METTL25: variants seen among roughly 807,000 people sequenced by gnomAD.
The protein encoded by METTL25 is methyltransferase like 25, also known as probable methyltransferase-like protein 25.
METTL25 carries 64 observed loss-of-function variants against 71.6 expected under a neutral mutation model. The ratio of observed to expected loss-of-function variants is 0.89; its 90% CI spans 0.73 to 1.10. METTL25 has a LOEUF of 1.10. Among genes scored for constraint, METTL25 ranks in the 50% least tolerant of loss-of-function variants. METTL25 has a pLI of 0.00. For synonymous variants in METTL25, 287 were observed against 250.3 expected (o/e 1.15, Z -1.38); for missense variants, 807 against 707.0 (o/e 1.14, Z -1.60).
intron 5 of METTL25, among the ~76,000 whole-genome samples, chr12:82,414,644 T>A (rs1887815999): frequency 6.6e-6 from 1 of 152,012 alleles, no homozygotes; most frequent in African/African-American, 2.4e-5. Flanking sequence ...AGAGGAAGAG[T>A]TTATACTTTG....
intron 5 of METTL25, among the ~76,000 whole-genome samples, chr12:82,426,352 G>C (rs1592705187): frequency 1.3e-5 from 2 of 152,040 alleles, no homozygotes; most frequent in East Asian, 3.9e-4. Context: ...ATGTAACCAC[G>C]TGGTGTCCAG....
chr12:82,466,182 T>G (rs1268477417), intron 9 of METTL25, among the ~76,000 whole-genome samples: 1 of 151,798 alleles, frequency 6.6e-6, no homozygotes, highest in Non-Finnish European at 1.5e-5. Context: ...TATCATTAGG[T>G]TCTTTATTTG....
chr12:82,416,142 TATA>T (rs1887964000), intron 5 of METTL25, among the ~76,000 whole-genome samples: 1 of 152,144 alleles, frequency 6.6e-6, no homozygotes, highest in Non-Finnish European at 1.5e-5. Context: ...GCCATGAACA[TATA>T]ATCATCGTGC....
At chr12:82,358,864 G>A in intron 1 of METTL25, 40 bp downstream of exon 1, 1 of 1,562,594 alleles carries the variant, frequency 6.4e-7, no homozygotes, top group South Asian at 1.2e-5. Context: ...GGAGGCGGAG[G>A]AGAAGGTCCC....
At chr12:82,460,785 A>G (rs1023599898) in intron 9 of METTL25, among the ~76,000 whole-genome samples, 4 of 152,170 alleles carry the variant, frequency 2.6e-5, no homozygotes, top group Non-Finnish European at 5.9e-5. Context: ...AACTAAAGAA[A>G]TTTGAATATA....
At chr12:82,365,860 A>G (rs1882505889) in intron 1 of METTL25, among the ~76,000 whole-genome samples, 1 of 152,038 alleles carries the variant, frequency 6.6e-6, no homozygotes, top group Admixed American at 6.5e-5. Context: ...AGGCGGGGGG[A>G]TCACGAGGTC....
chr12:82,390,125 T>A (rs774513133), intron 3 of METTL25, among the ~76,000 whole-genome samples: 21 of 152,124 alleles, frequency 1.4e-4, no homozygotes, highest in Non-Finnish European at 2.9e-4. Context: ...AAATTTATAG[T>A]AAAATCAAGA....
rs752294911 is a variant in METTL25, at chr12:82,358,685, T to A, written c.120T>A (p.Asp40Glu). ...CCATTTCCAATGCACATACCGTGGA[T>A]TTCTACACAGAATCCGTGTGGGAGG... ...ALSISNAHTV[D>E]FYTESVWEEL... Residue 40 changes from aspartate (D) to glutamate (E), a missense_variant, in exon 1 of 12, where the codon GAT (aspartate) becomes GAA (glutamate). By Grantham distance (45) the Asp-to-Glu change is conservative (BLOSUM62 2). Transcript: ENST00000248306. 1.2e-6 allele frequency: 2 copies of A among 1,614,060 alleles called. No individual in the cohort carries two copies. Among genetic ancestry groups the A allele is most frequent in the South Asian group, 1.1e-5 (1 of 91,080 alleles).
intron 9 of METTL25, among the ~76,000 whole-genome samples, chr12:82,457,601 T>C (rs1199604474): frequency 6.6e-6 from 1 of 151,922 alleles, no homozygotes; most frequent in Non-Finnish European, 1.5e-5. Flanking sequence ...GTCAGTTTCC[T>C]CCCCTTTAAA....
chr12:82,365,871 A>G (rs1256651695), intron 1 of METTL25, among the ~76,000 whole-genome samples: 1 of 152,116 alleles, frequency 6.6e-6, no homozygotes, highest in East Asian at 1.9e-4. Flanking sequence ...TCACGAGGTC[A>G]GGAGATCGAC....
At chr12:82,416,584 G>C (rs568144495) in intron 5 of METTL25, among the ~76,000 whole-genome samples, 45 of 151,824 alleles carry the variant, frequency 3.0e-4, no homozygotes, top group African/African-American at 1.1e-3. Context: ...GGGACTACTG[G>C]TGCGTGACAC....
At chr12:82,399,870 G>C (rs1886427902) in intron 4 of METTL25, among the ~76,000 whole-genome samples, 2 of 150,264 alleles carry the variant, frequency 1.3e-5, no homozygotes, top group African/African-American at 4.9e-5. Flanking sequence ...AAAGACAGCA[G>C]ATCTTAAAGG....
chr12:82,450,064 A>G (rs1327316016), intron 8 of METTL25, among the ~76,000 whole-genome samples: 1 of 152,028 alleles, frequency 6.6e-6, no homozygotes, highest in Non-Finnish European at 1.5e-5. Flanking sequence ...CTTTATTGAA[A>G]CACTTCTTTC....
At chr12:82,400,820 A>G (rs1003005565) in intron 4 of METTL25, among the ~76,000 whole-genome samples, 1 of 152,150 alleles carries the variant, frequency 6.6e-6, no homozygotes. Flanking sequence ...GTAGGATAAT[A>G]TGGTGACTAC....
intron 5 of METTL25, among the ~76,000 whole-genome samples, chr12:82,422,718 A>G (rs762724336): frequency 2.6e-5 from 4 of 152,056 alleles, no homozygotes; most frequent in Non-Finnish European, 5.9e-5. Flanking sequence ...CAAAATCAAT[A>G]TGCAAAAATC....
intron 1 of METTL25, among the ~76,000 whole-genome samples, chr12:82,373,591 C>T (rs1477636164): frequency 6.6e-6 from 1 of 152,076 alleles, no homozygotes; most frequent in African/African-American, 2.4e-5. Context: ...ACCCAGGAGG[C>T]AAGGGTCAGG....
At chr12:82,458,578 C>A (rs1043894982) in intron 9 of METTL25, among the ~76,000 whole-genome samples, 1 of 152,030 alleles carries the variant, frequency 6.6e-6, no homozygotes. Context: ...ACCACCCACA[C>A]CTTTGTGAGT....
intron 8 of METTL25, among the ~76,000 whole-genome samples, chr12:82,456,357 A>G (rs373882762): frequency 6.6e-6 from 1 of 152,086 alleles, no homozygotes; most frequent in African/African-American, 2.4e-5. Context: ...TATTGCCTCT[A>G]CTAACAGGTG....
chr12:82,420,774 C>T (rs549191410), intron 5 of METTL25, among the ~76,000 whole-genome samples: 1 of 151,666 alleles, frequency 6.6e-6, no homozygotes, highest in Non-Finnish European at 1.5e-5. Context: ...GGATTGGGGT[C>T]TTAATATTAA....
Sources: allele counts gnomAD v4.1 joint callset (sites outside exome capture counted in the v4.1 genomes callset), GRCh38; gene constraint gnomAD v4.1.1; transcripts MANE v1.5; gene names NCBI Gene and HGNC (gene_info 2026-07-23, HGNC 2026-07-21).